GGCX: variants seen among roughly 807,000 people sequenced by gnomAD.
The protein encoded by GGCX is vitamin K-dependent gamma-carboxylase.
Under a neutral mutation model 88.5 loss-of-function variants are expected in GGCX, and 63 were observed. The observed-to-expected ratio is 0.71, with a 90% CI of 0.58 to 0.88. The LOEUF is 0.88. GGCX is among the 40% of genes least tolerant of loss of function. The probability of loss-of-function intolerance (pLI) is 0.00; values close to 1 mark genes in which losing one functional copy is unlikely to be tolerated. For missense variants in GGCX, 805 were observed against 932.9 expected (o/e 0.86, Z 1.79); for synonymous variants, 368 against 365.8 (o/e 1.01, Z -0.07).
chr2:85,552,860 G>T, intron 9 of GGCX, 79 bp downstream of exon 9: 3 of 1,483,194 alleles, frequency 2.0e-6, no homozygotes, highest in Non-Finnish European at 1.9e-6. Context: ...TTGCTTTATG[G>T]TGTGTGTAAG....
rs1691770456 is a variant in GGCX at position 85,548,313 on chromosome 2, G to C, written c.*1621C>G. ...CTGATGACCTAGAGATAACAGCTTG[G>C]CTAAGGTACAGAGCTGCCATTCAAT... On this transcript the variant is annotated 3_prime_UTR_variant, in exon 15 of 15. Transcript: ENST00000233838. The C allele has an allele frequency of 6.6e-6, 1 of 152,176 alleles. No homozygotes were observed. Among genetic ancestry groups the C allele is most frequent in the Non-Finnish European group, 1.5e-5 (1 of 68,028 alleles). 9.4% of individuals were successfully genotyped at this position (152,176 alleles called of 1,614,324 possible). A position where few individuals can be genotyped will look rare whatever the true frequency, so the allele number is the denominator to read the frequency against.
At position 85,553,325 on chromosome 2, in the gene GGCX, C is replaced by G; in HGVS notation, c.1062G>C (p.Gln354His). 1 of 1,614,250 alleles carries G rather than the reference C, an allele frequency of 6.2e-7. No individual in the cohort carries two copies. The highest frequency in any genetic ancestry group is 1.1e-5 in the South Asian group (1 of 91,088). The change falls in exon 8 of 15, where the codon CAG becomes CAC. Residue 354 changes from glutamine (Q) to histidine (H), a missense_variant. Physicochemically the swap from Gln to His is conservative, Grantham distance 24 (BLOSUM62 0). Transcript: ENST00000233838. ...VYKRSRGKSG[Q>H]KPGLRHQLGA... The stretch of plus-strand genomic sequence containing the variant: ...CCAGCTGATGGCGCAGCCCTGGCTT[C>G]TGGCCACTTTTGCCCCGGCTCCTCT...
At position 85,560,966 on chromosome 2, in the gene GGCX, C is replaced by G. The variant is rs758911550; in HGVS notation, c.63G>C (p.Lys21Asn). ...SPSSDKVQKD[K>N]AELISGPRQD... Reference sequence around the variant, plus strand: ...GCCTGGGCCCTGAGATCAGTTCAGCCTTGTCTTTCTGTACTTTATCTGCAA... The same window carrying G: ...GCCTGGGCCCTGAGATCAGTTCAGCGTTGTCTTTCTGTACTTTATCTGCAA... The change falls in exon 2 of 15, where the codon AAG (lysine) becomes AAC (asparagine). Residue 21 changes from lysine to asparagine, a missense_variant. Physicochemically the swap from Lys to Asn is moderately conservative, Grantham distance 94. Around this residue, in one of 3 missense-constraint regions of GGCX, gnomAD observed 64 missense variants for 57.4 expected, o/e 1.12. Coordinates refer to ENST00000233838, the MANE Select transcript of GGCX (RefSeq NM_000821.7). 2.5e-6 allele frequency: 4 copies of G among 1,613,732 alleles called. No homozygotes were observed. The highest frequency in any genetic ancestry group is 3.4e-6 in the Non-Finnish European group (4 of 1,179,738).
At chr2:85,557,457 T>C (rs1299194897) in intron 4 of GGCX, among the ~76,000 whole-genome samples, 1 of 152,186 alleles carries the variant, frequency 6.6e-6, no homozygotes, top group African/African-American at 2.4e-5. Context: ...CACTGCACTC[T>C]AGCCTGGGCG....
chr2:85,557,790 G>A (rs1011762918), intron 4 of GGCX, among the ~76,000 whole-genome samples: 4 of 152,122 alleles, frequency 2.6e-5, no homozygotes, highest in African/African-American at 9.7e-5. Context: ...CTTAATGACT[G>A]TTAATGAATT....
In GGCX at chr2:85,560,833, C is replaced by T; in HGVS notation, c.196G>A (p.Val66Ile). 6.2e-7 allele frequency: 1 copy of T among 1,614,078 alleles called. No homozygotes were observed. The highest frequency in any genetic ancestry group is 8.5e-7 in the Non-Finnish European group (1 of 1,179,938). Residue 66 changes from valine to isoleucine, a missense_variant, in exon 2 of 15, where the codon GTC (valine) becomes ATC (isoleucine). Physicochemically the swap from Val to Ile is conservative, Grantham distance 29. Around this residue, in one of 3 missense-constraint regions of GGCX, gnomAD observed 61 missense variants for 111.9 expected, o/e 0.54. Transcript: ENST00000233838. ...GACTCACCAAAAAGAAAACGAAAGA[C>T]AGCTAAGCTTGCAGGGTCCGTTGGT... Reference protein sequence around the residue: ...NRPTDPASLAVFRFLFGFLMV... With the variant: ...NRPTDPASLAIFRFLFGFLMV...
At chr2:85,550,522 T>G (rs750338205) in intron 14 of GGCX, 33 bp downstream of exon 14, 4 of 1,528,634 alleles carry the variant, frequency 2.6e-6, no homozygotes, top group South Asian at 1.1e-5. Context: ...TGCCAACATA[T>G]GATGGCAATG....
Position 85,551,855 on chromosome 2 carries a change from G to A in GGCX, c.1566C>T (p.Ser522=). The change falls in exon 11 of 15, where the codon AGC becomes AGT. Residue 522 remains serine (S), a synonymous_variant. Transcript: ENST00000233838. ...AGACCACCTCAGTGTGGTTGTCTAG[G>A]CTGCTCTTGATTTCCTGTAACTTGG... The part of the protein sequence containing the change: ...WRAKLQEIKS[S]LDNHTEVVFI... The A allele has an allele frequency of 6.2e-7, 1 of 1,613,878 alleles. No individual in the cohort carries two copies. Among genetic ancestry groups the A allele is most frequent in the South Asian group, 1.1e-5 (1 of 91,078 alleles).
rs761520489 is a variant in GGCX, at chr2:85,553,370, G to A, written c.1017C>T (p.Pro339=). ...QLLPLKAAPQ[P]SVSCVYKRSR... is the part of the protein sequence containing the mutation. Reference sequence around the variant, plus strand: ...TCCTCTTATACACACAGGAAACACTGGGCTGAGGGGCTGCCTTGAGGGGCA... The same window carrying A: ...TCCTCTTATACACACAGGAAACACTAGGCTGAGGGGCTGCCTTGAGGGGCA... The change falls in exon 8 of 15, where the codon CCC becomes CCT. Residue 339 remains proline (P), a synonymous_variant. Transcript: ENST00000233838. 19 of 1,614,116 alleles carry A rather than the reference G, an allele frequency of 1.2e-5. No homozygotes were observed. The highest frequency in any genetic ancestry group is 1.5e-5 in the Non-Finnish European group (18 of 1,180,048).
rs919781419 is a variant in GGCX at position 85,558,465 on chromosome 2, T to G, written c.514A>C (p.Thr172Pro). 1 of 1,613,962 alleles carries G rather than the reference T, an allele frequency of 6.2e-7. No homozygotes were observed. Among genetic ancestry groups the G allele is most frequent in the African/African-American group, 1.3e-5 (1 of 74,920 alleles). Reference sequence around the variant, plus strand: ...CAGTAGTGGTTTGCATCCATGAATGTTAGCTGAAAGGCCAACAACCCATAC... The same window carrying G: ...CAGTAGTGGTTTGCATCCATGAATGGTAGCTGAAAGGCCAACAACCCATAC... ...YLYGLLAFQL[T>P]FMDANHYWSV... Residue 172 changes from threonine (T) to proline (P), a missense_variant, in exon 4 of 15, where the codon ACA becomes CCA. By Grantham distance (38) the Thr-to-Pro change is conservative (BLOSUM62 -1). This residue lies in a region of GGCX where 680 missense variants were observed against 763.7 expected (regional missense o/e 0.89). Coordinates refer to ENST00000233838, the MANE Select transcript of GGCX (RefSeq NM_000821.7).
At chr2:85,550,494 G>A (rs1691887730) in intron 14 of GGCX, 61 bp downstream of exon 14, 1 of 1,245,618 alleles carries the variant, frequency 8.0e-7, no homozygotes, top group South Asian at 1.2e-5. Context: ...ACTCTCCCCA[G>A]GGGAAAGTTA....
intron 10 of GGCX, 92 bp from the exon 11 acceptor site, chr2:85,552,073 A>G: frequency 2.1e-6 from 2 of 966,780 alleles, no homozygotes; most frequent in South Asian, 2.6e-5. Context: ...TCCTAAGGAC[A>G]GGGAATAGAA....
Position 85,558,996 on chromosome 2 carries a change from C to T in GGCX, c.294G>A (p.Val98=). ...GGGCATCCAGCAAGGGGAAGCGGCA[C>T]ACATCCAGCCCATCAAGGTATTTCC... ...LDRKYLDGLD[V]CRFPLLDALR... is the part of the protein sequence containing the mutation. Residue 98 remains valine (V), a synonymous_variant, in exon 3 of 15, where the codon GTG becomes GTA. Coordinates refer to ENST00000233838, the MANE Select transcript of GGCX (RefSeq NM_000821.7). 1 of 1,613,764 alleles carries T rather than the reference C, an allele frequency of 6.2e-7. No homozygotes were observed. Among genetic ancestry groups the T allele is most frequent in the South Asian group, 1.1e-5 (1 of 91,060 alleles).
Position 85,558,520 on chromosome 2 carries a change from G to T in GGCX, c.459C>A (p.Asp153Glu). The T allele has an allele frequency of 6.2e-7, 1 of 1,613,126 alleles. No homozygotes were observed. The highest frequency in any genetic ancestry group is 8.5e-7 in the Non-Finnish European group (1 of 1,179,128). ...LLPYWYVFLL[D>E]KTSWNNHSYL... The stretch of plus-strand genomic sequence containing the variant: ...AGGAGTGGTTGTTCCATGATGTCTT[G>T]TCCAGGAGAAACACATACCAGTATG... Residue 153 changes from aspartate to glutamate, a missense_variant, in exon 4 of 15, where the codon GAC becomes GAA. Around this residue, in one of 3 missense-constraint regions of GGCX, gnomAD observed 680 missense variants for 763.7 expected, o/e 0.89. Coordinates refer to ENST00000233838, the MANE Select transcript of GGCX (RefSeq NM_000821.7).
rs370169388 is a variant in GGCX, at chr2:85,549,743, T to G, written c.*191A>C. 1 of 601,738 alleles carries G rather than the reference T, an allele frequency of 1.7e-6. No individual in the cohort carries two copies. The highest frequency in any genetic ancestry group is 2.9e-6 in the Non-Finnish European group (1 of 341,054). The allele number at this position is 601,738 out of a possible 1,614,324, so 37.3% of individuals were successfully genotyped here. On this transcript the variant is annotated 3_prime_UTR_variant, in exon 15 of 15. Coordinates refer to ENST00000233838, the MANE Select transcript of GGCX (RefSeq NM_000821.7). ...TCTTCCTGGCCTCTTAATCTTGGGT[T>G]GTTAAATCTTATTTGCTTTATTTCC...
At chr2:85,552,676 GA>G in intron 9 of GGCX, 109 bp from the exon 10 acceptor site, 3 of 1,166,684 alleles carry the variant, frequency 2.6e-6, no homozygotes, top group South Asian at 1.2e-5. Context: ...ATTCTGGCTA[GA>G]AAAAAATGGA....
intron 6 of GGCX, 148 bp from the exon 7 acceptor site, chr2:85,554,454 T>TTGTTGTTGTTG (rs1558809384): frequency 3.1e-6 from 2 of 645,594 alleles, no homozygotes; most frequent in African/African-American, 1.9e-5. Flanking sequence ...CTCTAGGTTG[T>TTGTTGTTGTTG]TTGTTGTTGT....
chr2:85,553,691 C>T (rs1692082335), intron 7 of GGCX, 194 bp from the exon 8 acceptor site: 2 of 593,136 alleles, frequency 3.4e-6, no homozygotes, highest in Non-Finnish European at 3.0e-6. Flanking sequence ...CCTCTGCCTC[C>T]TGGGTTCAAG....
At chr2:85,550,797 T>C (rs1232925993) in intron 13 of GGCX, 47 bp from the exon 14 acceptor site, 1 of 1,595,852 alleles carries the variant, frequency 6.3e-7, no homozygotes, top group Admixed American at 1.7e-5. Context: ...TGGATCACTC[T>C]CTCCCCTTAG....
Sources: allele counts gnomAD v4.1 joint callset (sites outside exome capture counted in the v4.1 genomes callset), GRCh38; gene constraint gnomAD v4.1.1; regional missense constraint gnomAD v4.1.1; transcripts MANE v1.5; gene names NCBI Gene and HGNC (gene_info 2026-07-23, HGNC 2026-07-21).